The following RARB variants were observed in gnomAD, a reference collection of about 807,000 sequenced individuals.
RARB encodes HBV-activated protein.
Under a neutral mutation model 51.9 loss-of-function variants are expected in RARB, and 17 were observed. That is an observed-to-expected ratio of 0.33 (90% CI 0.22 to 0.49). The LOEUF is 0.49. RARB is among the 20% of genes least tolerant of loss of function. The pLI, the probability that RARB is intolerant of heterozygous loss-of-function variation, is 0.99. For missense variants in RARB, 369 were observed against 550.8 expected, an observed-to-expected ratio of 0.67 and a Z score of 3.30; for synonymous variants, 215 against 195.4, an observed-to-expected ratio of 1.10 and a Z score of -0.84.
At chr3:25,025,215 A>G (rs1446180543) in intron 2 of RARB, 1 of 152,206 alleles carries the variant, frequency 6.6e-6, no homozygotes, top group African/African-American at 2.4e-5. Flanking sequence ...TTTCATCTAC[A>G]TAGCACTTCC....
chr3:25,051,948 T>A (rs2125300042), intron 2 of RARB, among the ~76,000 whole-genome samples: 1 of 152,264 alleles, frequency 6.6e-6, no homozygotes, highest in East Asian at 1.9e-4. Flanking sequence ...TCTAACCCTC[T>A]CTCTACCTCC....
chr3:25,027,706 T>C (rs1291067013), intron 2 of RARB, among the ~76,000 whole-genome samples: 1 of 152,086 alleles, frequency 6.6e-6, no homozygotes, highest in Non-Finnish European at 1.5e-5. Flanking sequence ...TTTCCCCTTA[T>C]GATCCTCAGT....
intron 2 of RARB, among the ~76,000 whole-genome samples, chr3:25,493,022 C>T (rs1696822511): frequency 1.3e-5 from 2 of 150,052 alleles, no homozygotes. Context: ...CAACTCTCAG[C>T]TTTTGCCCTT....
intron 5 of RARB, among the ~76,000 whole-genome samples, chr3:25,398,115 G>A (rs1304791183): frequency 6.6e-6 from 1 of 152,024 alleles, no homozygotes; most frequent in African/African-American, 2.4e-5. Context: ...TATGTATCCA[G>A]GCACTAGTTT....
At chr3:24,975,904 C>T (rs572902124) in intron 2 of RARB, among the ~76,000 whole-genome samples, 9 of 152,180 alleles carry the variant, frequency 5.9e-5, no homozygotes, top group East Asian at 5.8e-4. Context: ...TTTCTCCCAG[C>T]GCTATCCCTG....
chr3:25,573,281 AAGAG>A (rs959510212), intron 4 of RARB, among the ~76,000 whole-genome samples: 2 of 152,126 alleles, frequency 1.3e-5, no homozygotes, highest in Non-Finnish European at 2.9e-5. Context: ...CTTCTGGCCT[AAGAG>A]AGAGAGGCTT....
At chr3:25,542,520 C>A (rs1575502336) in intron 3 of RARB, among the ~76,000 whole-genome samples, 1 of 152,188 alleles carries the variant, frequency 6.6e-6, no homozygotes, top group Non-Finnish European at 1.5e-5. Flanking sequence ...AGGGAGCAAT[C>A]AAGAGTCTAG....
At chr3:25,396,452 G>A (rs77649742) in intron 5 of RARB, among the ~76,000 whole-genome samples, 9,552 of 152,250 alleles carry the variant, frequency 0.063, 353 homozygotes, top group African/African-American at 0.1. Flanking sequence ...TTTGTGAGTT[G>A]CTGAATGGCT....
chr3:24,882,101 G>C (rs765446384), intron 2 of RARB, among the ~76,000 whole-genome samples: 4 of 152,172 alleles, frequency 2.6e-5, no homozygotes, highest in African/African-American at 4.8e-5. Context: ...ATGTCTATAG[G>C]AGGCTGATAG....
intron 4 of RARB, among the ~76,000 whole-genome samples, chr3:25,135,686 CT>C (rs894479513): frequency 6.6e-6 from 1 of 151,892 alleles, no homozygotes; most frequent in African/African-American, 2.4e-5. Flanking sequence ...AGAGCAAAGA[CT>C]TTTTTAAAAG....
chr3:25,464,990 A>G (rs1252703873), intron 2 of RARB, among the ~76,000 whole-genome samples: 1 of 152,094 alleles, frequency 6.6e-6, no homozygotes, highest in Non-Finnish European at 1.5e-5. Flanking sequence ...GTTTTTTTCG[A>G]TTATAAATAA....
chr3:25,291,244 C>A (rs769144256), intron 5 of RARB, among the ~76,000 whole-genome samples: 7 of 152,144 alleles, frequency 4.6e-5, no homozygotes, highest in Admixed American at 2.6e-4. Context: ...GAATGCATAG[C>A]TCATTCTTGA....
intron 2 of RARB, among the ~76,000 whole-genome samples, chr3:24,896,329 G>A (rs751857863): frequency 5.9e-5 from 9 of 152,156 alleles, no homozygotes; most frequent in African/African-American, 9.6e-5. Flanking sequence ...GCGTGATCTC[G>A]GCTCACTGCA....
chr3:25,463,991 A>G (rs969661620), intron 2 of RARB, among the ~76,000 whole-genome samples: 12 of 152,208 alleles, frequency 7.9e-5, no homozygotes, highest in East Asian at 1.9e-4. Context: ...CCCTAGCTGA[A>G]CCTACTTAAA....
chr3:25,375,468 G>A (rs993156020), intron 5 of RARB, among the ~76,000 whole-genome samples: 3 of 152,200 alleles, frequency 2.0e-5, no homozygotes. Flanking sequence ...TATGGTGATT[G>A]TGGAGTCAGG....
At chr3:25,197,519 ACAT>A (rs1701274732) in intron 5 of RARB, among the ~76,000 whole-genome samples, 1 of 151,950 alleles carries the variant, frequency 6.6e-6, no homozygotes, top group Non-Finnish European at 1.5e-5. Context: ...TTTCCAGATG[ACAT>A]CATCTTAGAT....
At chr3:25,105,114 C>T (rs140637351) in intron 3 of RARB, among the ~76,000 whole-genome samples, 17 of 152,164 alleles carry the variant, frequency 1.1e-4, no homozygotes, top group East Asian at 7.7e-4. Flanking sequence ...AACATTGTTA[C>T]GCTAAAGGTA....
At chr3:25,461,699 G>C (rs539446129) in intron 2 of RARB, among the ~76,000 whole-genome samples, 6 of 152,204 alleles carry the variant, frequency 3.9e-5, no homozygotes, top group Middle Eastern at 3.4e-3. Context: ...TTTGAGGCCC[G>C]CCTGACCAAC....
intron 1 of RARB, among the ~76,000 whole-genome samples, chr3:25,454,245 C>G (rs1394359369): frequency 6.6e-6 from 1 of 152,226 alleles, no homozygotes; most frequent in Non-Finnish European, 1.5e-5. Context: ...TTGGCGTTTC[C>G]TTTGAATCTC....
Sources: allele counts gnomAD v4.1 joint callset (sites outside exome capture counted in the v4.1 genomes callset), GRCh38; gene constraint gnomAD v4.1.1; transcripts MANE v1.5; gene names NCBI Gene and HGNC (gene_info 2026-07-23, HGNC 2026-07-21).